Variants in ITPK1 observed in about 807,000 individuals in gnomAD.
ITPK1 encodes inositol-tetrakisphosphate 1-kinase.
ITPK1 carries 21 observed loss-of-function variants against 45.3 expected under a neutral mutation model. The ratio of observed to expected loss-of-function variants is 0.46; its 90% CI spans 0.33 to 0.67. ITPK1 has a LOEUF of 0.67. Among genes scored for constraint, ITPK1 ranks in the 30% least tolerant of loss-of-function variants. ITPK1 has a pLI of 0.02. For missense variants in ITPK1, 474 were observed against 573.5 expected (o/e 0.83, Z 1.77); for synonymous variants, 258 against 253.6 (o/e 1.02, Z -0.16).
intron 2 of ITPK1, among the ~76,000 whole-genome samples, chr14:93,107,375 G>T (rs1387394150): frequency 6.6e-6 from 1 of 152,208 alleles, no homozygotes; most frequent in Non-Finnish European, 1.5e-5. Flanking sequence ...AAACAAGACA[G>T]ACTTAAAATA....
At chr14:92,981,247 A>G (rs545053501) in intron 5 of ITPK1, among the ~76,000 whole-genome samples, 35 of 152,052 alleles carry the variant, frequency 2.3e-4, no homozygotes, top group Non-Finnish European at 3.8e-4. Context: ...TCACACCCTC[A>G]GCATCTTTTC....
At chr14:93,110,255 G>A (rs909714578) in intron 2 of ITPK1, among the ~76,000 whole-genome samples, 2 of 152,086 alleles carry the variant, frequency 1.3e-5, no homozygotes, top group Admixed American at 6.5e-5. Flanking sequence ...TGCAAGGCTG[G>A]GTTATGAATA....
chr14:92,977,161 T>G (rs897201104), intron 5 of ITPK1, among the ~76,000 whole-genome samples: 1 of 152,242 alleles, frequency 6.6e-6, no homozygotes, highest in Non-Finnish European at 1.5e-5. Context: ...GAAACCAGCA[T>G]GCAGAAGACA....
chr14:92,991,011 G>C (rs566496207), intron 5 of ITPK1, among the ~76,000 whole-genome samples: 2 of 151,402 alleles, frequency 1.3e-5, no homozygotes, highest in South Asian at 2.1e-4. Context: ...TGCCGGGGCA[G>C]GGGGGGTGAC....
chr14:93,015,814 G>C (rs1199771175), intron 4 of ITPK1, among the ~76,000 whole-genome samples: 1 of 152,232 alleles, frequency 6.6e-6, no homozygotes. Flanking sequence ...GGAGAGAACA[G>C]TGTCGGCAGG....
chr14:93,026,729 A>G (rs1047354911), intron 3 of ITPK1, among the ~76,000 whole-genome samples: 1 of 152,224 alleles, frequency 6.6e-6, no homozygotes, highest in African/African-American at 2.4e-5. Context: ...AAGGGACTGA[A>G]TCACTTATGA....
In ITPK1 at chr14:93,071,948, T is replaced by G. The variant is rs202169834; in HGVS notation, c.120+4647A>C. On this transcript the variant is annotated intron_variant, in intron 3 of 10. Coordinates refer to ENST00000267615, the MANE Select transcript of ITPK1 (RefSeq NM_014216.6). ...ACAATTACTATAAGTATACAATTGATCAATAAGACAGAAATATATTGCAAA... is the reference window on the plus strand; with the variant it reads ...ACAATTACTATAAGTATACAATTGAGCAATAAGACAGAAATATATTGCAAA... 3.9e-5 allele frequency: 6 copies of G among 152,244 alleles called. No individual in the cohort carries two copies. The East Asian group carries it at 1.2e-3, about 29-fold the overall frequency. The allele number at this position is 152,244 out of a possible 1,614,324, so 9.4% of individuals were successfully genotyped here.
At chr14:93,071,042 T>G (rs1412863131) in intron 3 of ITPK1, 1 of 153,798 alleles carries the variant, frequency 6.5e-6, no homozygotes, top group African/African-American at 2.4e-5. Flanking sequence ...GTAGAGAGCA[T>G]CTGGTCCCAC....
At chr14:93,035,184 A>G (rs1423539166) in intron 3 of ITPK1, among the ~76,000 whole-genome samples, 2 of 152,208 alleles carry the variant, frequency 1.3e-5, no homozygotes, top group Admixed American at 6.5e-5. Context: ...GCAGACATTC[A>G]TTCAACAAAT....
At chr14:93,005,880 C>T (rs998941191) in intron 4 of ITPK1, among the ~76,000 whole-genome samples, 1 of 152,176 alleles carries the variant, frequency 6.6e-6, no homozygotes, top group African/African-American at 2.4e-5. Flanking sequence ...GTTTAACATG[C>T]AGCAGTTAGA....
chr14:92,972,094 C>T (rs1885688517), intron 5 of ITPK1, among the ~76,000 whole-genome samples: 1 of 152,318 alleles, frequency 6.6e-6, no homozygotes, highest in Admixed American at 6.5e-5. Flanking sequence ...ATCCTCTGCC[C>T]ACAAACCACC....
intron 4 of ITPK1, among the ~76,000 whole-genome samples, chr14:93,002,743 C>T (rs535701907): frequency 1.3e-5 from 2 of 152,266 alleles, no homozygotes; most frequent in East Asian, 3.9e-4. Flanking sequence ...TAGCAAAACC[C>T]AGATGGACCC....
intron 4 of ITPK1, among the ~76,000 whole-genome samples, chr14:92,996,169 C>T (rs926792113): frequency 6.6e-6 from 1 of 152,190 alleles, no homozygotes; most frequent in East Asian, 1.9e-4. Flanking sequence ...ATCACTCAGG[C>T]CCAGGAGATT....
intron 9 of ITPK1, among the ~76,000 whole-genome samples, chr14:92,951,454 C>T (rs1368549395): frequency 6.6e-6 from 1 of 152,166 alleles, no homozygotes; most frequent in South Asian, 2.1e-4. Flanking sequence ...TGGGCTGACA[C>T]TGGCCACAGC....
At position 93,050,055 on chromosome 14, in the gene ITPK1, G is replaced by A. The variant is rs561335366; in HGVS notation, c.120+26540C>T. On this transcript the variant is annotated intron_variant, in intron 3 of 10. Coordinates refer to ENST00000267615, the MANE Select transcript of ITPK1 (RefSeq NM_014216.6). Reference sequence around the variant, plus strand: ...GCAACTCCTGCTCAGCTTCCCTTTCGAGGAATGGCCTTCCCGGGGCAAAAC... The same window carrying A: ...GCAACTCCTGCTCAGCTTCCCTTTCAAGGAATGGCCTTCCCGGGGCAAAAC... Among the ~76,000 whole-genome samples the A allele has an allele frequency of 1.2e-3, 184 of 152,282 alleles. 2 individuals carry two copies. Among genetic ancestry groups the A allele is most frequent in the African/African-American group, 4.1e-3 (172 of 41,546 alleles).
intron 3 of ITPK1, among the ~76,000 whole-genome samples, chr14:93,037,771 C>A (rs894764949): frequency 6.6e-6 from 1 of 152,206 alleles, no homozygotes; most frequent in Non-Finnish European, 1.5e-5. Flanking sequence ...ATAAAGATAC[C>A]AGCTGTGTCT....
chr14:93,042,746 G>C (rs1436044562), intron 3 of ITPK1, among the ~76,000 whole-genome samples: 1 of 152,116 alleles, frequency 6.6e-6, no homozygotes, highest in African/African-American at 2.4e-5. Flanking sequence ...GGCTGGCTGC[G>C]GTGGCTCACA....
At chr14:93,098,174 T>C (rs972636452) in intron 2 of ITPK1, among the ~76,000 whole-genome samples, 3 of 150,888 alleles carry the variant, frequency 2.0e-5, no homozygotes, top group African/African-American at 7.3e-5. Flanking sequence ...CAAAAATTAA[T>C]GGCCGGGTGC....
At chr14:93,077,326 C>CT (rs927559919) in intron 2 of ITPK1, among the ~76,000 whole-genome samples, 35 of 151,516 alleles carry the variant, frequency 2.3e-4, no homozygotes, top group African/African-American at 5.8e-4. Context: ...TGACCCATTT[C>CT]TTTTTTTTTG....
Sources: gnomAD v4.1 joint callset for allele counts (sites outside exome capture counted in the v4.1 genomes callset) on GRCh38, gnomAD v4.1.1 for gene constraint, MANE v1.5 for transcripts, NCBI Gene and HGNC (gene_info 2026-07-23, HGNC 2026-07-21) for gene names.